The following EFHB variants were observed in gnomAD, a reference collection of about 807,000 sequenced individuals.
EFHB encodes the protein EF-hand domain-containing family member B.
EFHB carries 91 observed loss-of-function variants against 87.2 expected under a neutral mutation model. The observed-to-expected ratio is 1.04, with a 90% confidence interval of 0.88 to 1.24. EFHB has a LOEUF of 1.24. EFHB is among the 50% of genes most tolerant of loss of function. The probability of loss-of-function intolerance (pLI) is 0.00; values close to 1 mark genes in which losing one functional copy is unlikely to be tolerated. For missense variants in EFHB, 1,084 were observed against 998.8 expected, an observed-to-expected ratio of 1.09 and a Z score of -1.15; for synonymous variants, 325 against 333.6, an observed-to-expected ratio of 0.97 and a Z score of 0.28.
At chr3:19,919,705 T>G in intron 3 of EFHB, 128 bp downstream of exon 3, 5 of 946,850 alleles carry the variant, frequency 5.3e-6, no homozygotes, top group Non-Finnish European at 7.9e-6. Flanking sequence ...GGAAGACAGA[T>G]TGAGAAAAGC....
intron 5 of EFHB, among the ~76,000 whole-genome samples, 161 bp from the exon 6 acceptor site, chr3:19,905,910 G>A (rs1169013369): frequency 1.3e-5 from 2 of 152,180 alleles, no homozygotes; most frequent in Non-Finnish European, 2.9e-5. Context: ...GATGACAGAA[G>A]CATTCCCCCA....
chr3:19,883,543 T>C (rs1258243881), intron 11 of EFHB, among the ~76,000 whole-genome samples: 1 of 152,240 alleles, frequency 6.6e-6, no homozygotes, highest in African/African-American at 2.4e-5. Context: ...TTCATATTGA[T>C]ATATGGATGT....
chr3:19,910,022 C>G (rs1575022372), intron 5 of EFHB, among the ~76,000 whole-genome samples: 1 of 151,878 alleles, frequency 6.6e-6, no homozygotes, highest in Non-Finnish European at 1.5e-5. Flanking sequence ...AGACTTAGCA[C>G]ATTACCAGCT....
intron 1 of EFHB, among the ~76,000 whole-genome samples, chr3:19,927,072 C>T (rs1327197958): frequency 1.3e-5 from 2 of 152,196 alleles, no homozygotes; most frequent in East Asian, 1.9e-4. Flanking sequence ...ATCATGGACA[C>T]TATAATTTTT....
chr3:19,930,431 G>A (rs1449821138), intron 1 of EFHB, among the ~76,000 whole-genome samples: 2 of 151,846 alleles, frequency 1.3e-5, no homozygotes, highest in Non-Finnish European at 2.9e-5. Flanking sequence ...TTTCTAAGTG[G>A]AATATTTACT....
upstream of EFHB, chr3:19,936,334 A>T: frequency 4.4e-6 from 2 of 454,328 alleles, no homozygotes; most frequent in Non-Finnish European, 7.7e-6. Flanking sequence ...TGGGCGACAG[A>T]CTGAAAAAAA....
chr3:19,890,140 T>C (rs1694255419), intron 9 of EFHB, among the ~76,000 whole-genome samples: 1 of 152,176 alleles, frequency 6.6e-6, no homozygotes, highest in Non-Finnish European at 1.5e-5. Flanking sequence ...ATGCAGGGCT[T>C]TGTGTGCACT....
intron 10 of EFHB, among the ~76,000 whole-genome samples, chr3:19,887,753 T>C (rs1239275829): frequency 5.3e-5 from 8 of 152,358 alleles, no homozygotes; most frequent in East Asian, 1.9e-4. Context: ...TTGGACAAGC[T>C]TGATGTAAAC....
At position 19,882,671 on chromosome 3, in the gene EFHB, C is replaced by T. The variant is rs770766960; in HGVS notation, c.2207G>A (p.Arg736His). 3.1e-5 allele frequency: 50 copies of T among 1,613,482 alleles called. No individual in the cohort carries two copies. The highest frequency in any genetic ancestry group is 4.5e-5 in the East Asian group (2 of 44,862). The change falls in exon 12 of 13, where the codon CGC becomes CAC. Residue 736 changes from arginine (R) to histidine (H), a missense_variant. Coordinates refer to ENST00000295824, the MANE Select transcript of EFHB (RefSeq NM_144715.4). ...ACCATAATTAGTTCTGTCACTGATG[C>T]GACGAATTCGGGGAGCAGGAATGTC... ...RSDIPAPRIR[R>H]ISDRTNYGEE...
intron 12 of EFHB, 37 bp downstream of exon 12, chr3:19,882,513 G>C (rs2071702487): frequency 7.0e-7 from 1 of 1,431,790 alleles, no homozygotes; most frequent in East Asian, 2.4e-5. Context: ...TGTTGATAGA[G>C]AAAACATTTC....
chr3:19,920,631 AT>A, intron 1 of EFHB, 64 bp from the exon 2 acceptor site: 1 of 1,368,536 alleles, frequency 7.3e-7, no homozygotes, highest in Non-Finnish European at 1.0e-6. Flanking sequence ...GAAGAATGAA[AT>A]TTATTTCAAA....
chr3:19,923,326 A>C (rs896716648), intron 1 of EFHB, among the ~76,000 whole-genome samples: 11 of 151,648 alleles, frequency 7.3e-5, no homozygotes, highest in Admixed American at 2.6e-4. Flanking sequence ...CACACAGCTA[A>C]TAATTTTCTT....
chr3:19,937,915 G>T (rs1437348269), upstream of EFHB, among the ~76,000 whole-genome samples: 1 of 152,118 alleles, frequency 6.6e-6, no homozygotes, highest in Non-Finnish European at 1.5e-5. Context: ...CTCCCCTGAA[G>T]ACTGTTAGCT....
intron 10 of EFHB, 69 bp from the exon 11 acceptor site, chr3:19,884,684 C>A: frequency 6.8e-7 from 1 of 1,467,980 alleles, no homozygotes; most frequent in South Asian, 1.3e-5. Flanking sequence ...TGCTCTGTAA[C>A]AGGATAAGTT....
Position 19,933,319 on chromosome 3 carries a change from C to T in EFHB, c.700G>A (p.Gly234Arg), listed in dbSNP as rs754294036. 9 of 1,613,924 alleles carry T rather than the reference C, an allele frequency of 5.6e-6. 1 individual carries two copies. In the South Asian group the frequency reaches 9.9e-5, roughly 18 times the overall value. Residue 234 changes from glycine to arginine, a missense_variant, in exon 1 of 13, where the codon GGA becomes AGA. Physicochemically the swap from Gly to Arg is moderately radical, Grantham distance 125. Transcript: ENST00000295824. ...GGTTCCACTCCTGATTCAATGTTTC[C>T]AGCCTCCTTTCTCTGTTCATGTTGT... ...AQQHEQRKEA[G>R]NIESGVEPPD...
chr3:19,888,946 C>A (rs985244302), intron 9 of EFHB, among the ~76,000 whole-genome samples: 1 of 152,066 alleles, frequency 6.6e-6, no homozygotes, highest in Non-Finnish European at 1.5e-5. Context: ...AATAAATGGC[C>A]CTTCATTTCA....
intron 1 of EFHB, among the ~76,000 whole-genome samples, chr3:19,930,599 T>A (rs1300535496): frequency 2.0e-5 from 3 of 152,176 alleles, no homozygotes; most frequent in African/African-American, 4.8e-5. Flanking sequence ...CCAAAGTTAA[T>A]TAATCTTATT....
At chr3:19,936,008 C>CA (rs751728589), upstream of EFHB, 199,677 of 542,940 alleles carry the variant, frequency 0.37, 12,927 homozygotes, top group African/African-American at 0.47. Flanking sequence ...GACTCCATCT[C>CA]AAAAAAAAAA....
At chr3:19,901,029 G>T (rs1442395723) in intron 6 of EFHB, among the ~76,000 whole-genome samples, 3 of 151,990 alleles carry the variant, frequency 2.0e-5, no homozygotes, top group African/African-American at 7.3e-5. Flanking sequence ...AGTTGTGGAG[G>T]GTAATTAAAT....
Sources: allele counts gnomAD v4.1 joint callset (sites outside exome capture counted in the v4.1 genomes callset), GRCh38; gene constraint gnomAD v4.1.1; transcripts MANE v1.5; gene names NCBI Gene and HGNC (gene_info 2026-07-23, HGNC 2026-07-21).